CNTN6: variants seen among roughly 807,000 people sequenced by gnomAD.
The protein encoded by CNTN6 is contactin 6.
Under a neutral mutation model 122.8 loss-of-function variants are expected in CNTN6, and 137 were observed. The observed-to-expected ratio is 1.12, with a 90% CI of 0.97 to 1.29. The LOEUF (loss-of-function observed/expected upper bound fraction) is 1.29, where lower values mean the gene tolerates loss of function less well. Ranked by LOEUF, CNTN6 falls within the 50% of genes most tolerant of loss-of-function variation. CNTN6 has a pLI of 0.00. For synonymous variants in CNTN6, 570 were observed against 426.0 expected, an observed-to-expected ratio of 1.34 and a Z score of -4.16; for missense variants, 1,634 against 1,223.4, an observed-to-expected ratio of 1.34 and a Z score of -5.01.
At chr3:1,336,183 A>G (rs1438789550) in intron 11 of CNTN6, among the ~76,000 whole-genome samples, 1 of 145,992 alleles carries the variant, frequency 6.8e-6, no homozygotes, top group Non-Finnish European at 1.6e-5. Flanking sequence ...AAATAAAATA[A>G]AATAAAATAC....
intron 7 of CNTN6, among the ~76,000 whole-genome samples, chr3:1,312,124 C>T (rs1429116435): frequency 6.6e-6 from 1 of 151,914 alleles, no homozygotes; most frequent in African/African-American, 2.4e-5. Context: ...TATAGAGGGG[C>T]CACTGTCAAA....
At chr3:1,341,372 C>A (rs972228378) in intron 11 of CNTN6, among the ~76,000 whole-genome samples, 11 of 152,114 alleles carry the variant, frequency 7.2e-5, no homozygotes, top group Admixed American at 2.0e-4. Flanking sequence ...CGAATGGAGA[C>A]ACTTTATCTT....
chr3:1,356,346 A>G (rs1409375284), intron 12 of CNTN6, among the ~76,000 whole-genome samples: 3 of 151,814 alleles, frequency 2.0e-5, no homozygotes, highest in African/African-American at 4.8e-5. Flanking sequence ...TTGGAAAAGC[A>G]TATCTAATGT....
At chr3:1,384,774 T>TATATATATATATATATATATATACAC (rs1692570371) in intron 19 of CNTN6, among the ~76,000 whole-genome samples, 1 of 106,442 alleles carries the variant, frequency 9.4e-6, no homozygotes, top group African/African-American at 3.4e-5. Flanking sequence ...TATATACACA[T>TATATATATATATATATATATATACAC]ATATATATAT....
At chr3:1,382,480 TAAAG>T (rs1692049667) in intron 17 of CNTN6, among the ~76,000 whole-genome samples, 1 of 152,216 alleles carries the variant, frequency 6.6e-6, no homozygotes, top group Non-Finnish European at 1.5e-5. Flanking sequence ...TTCTGTGTCT[TAAAG>T]CATATGTTAT....
At chr3:1,211,076 A>G (rs1293106391) in intron 2 of CNTN6, among the ~76,000 whole-genome samples, 1 of 152,162 alleles carries the variant, frequency 6.6e-6, no homozygotes, top group African/African-American at 2.4e-5. Context: ...CCCAACTCAC[A>G]CTAATGGAAA....
intron 15 of CNTN6, 72 bp downstream of exon 15, chr3:1,373,834 A>G: frequency 2.7e-6 from 4 of 1,468,394 alleles, no homozygotes; most frequent in Non-Finnish European, 3.6e-6. Flanking sequence ...AAATGCAATT[A>G]CATTTTAAAT....
chr3:1,200,253 C>T (rs898276251), intron 2 of CNTN6, among the ~76,000 whole-genome samples: 2 of 152,118 alleles, frequency 1.3e-5, no homozygotes, highest in Non-Finnish European at 2.9e-5. Context: ...AGACTGGTCT[C>T]GAACTCCTTG....
At chr3:1,370,719 G>A (rs906392232) in intron 12 of CNTN6, among the ~76,000 whole-genome samples, 4 of 151,992 alleles carry the variant, frequency 2.6e-5, no homozygotes, top group African/African-American at 7.2e-5. Context: ...ATGGTGGTGC[G>A]TGCCTGTAAT....
intron 2 of CNTN6, among the ~76,000 whole-genome samples, chr3:1,159,787 AT>A (rs1346155050): frequency 6.6e-6 from 1 of 151,780 alleles, no homozygotes; most frequent in Non-Finnish European, 1.5e-5. Flanking sequence ...TTTAGAGTTA[AT>A]TTATCTGTGT....
At chr3:1,332,459 A>C (rs1341028000) in intron 11 of CNTN6, among the ~76,000 whole-genome samples, 2 of 150,800 alleles carry the variant, frequency 1.3e-5, no homozygotes, top group Non-Finnish European at 3.0e-5. Flanking sequence ...AAAAAATTAG[A>C]GTAGTGATAA....
chr3:1,156,538 G>A (rs2092965901), intron 2 of CNTN6, among the ~76,000 whole-genome samples: 1 of 152,150 alleles, frequency 6.6e-6, no homozygotes, highest in Non-Finnish European at 1.5e-5. Flanking sequence ...TATGAATAGT[G>A]TTTCATCTGA....
intron 1 of CNTN6, among the ~76,000 whole-genome samples, chr3:1,138,485 T>C (rs1375310589): frequency 6.6e-6 from 1 of 152,168 alleles, no homozygotes; most frequent in Non-Finnish European, 1.5e-5. Context: ...ATACCATCTT[T>C]ATTTATTTAC....
chr3:1,334,455 T>G (rs1057379279), intron 11 of CNTN6, among the ~76,000 whole-genome samples: 7 of 152,014 alleles, frequency 4.6e-5, no homozygotes, highest in African/African-American at 1.7e-4. Context: ...TTAGGAAATA[T>G]TAAACACTAT....
At chr3:1,200,714 T>C (rs533672952) in intron 2 of CNTN6, among the ~76,000 whole-genome samples, 1 of 152,144 alleles carries the variant, frequency 6.6e-6, no homozygotes, top group Non-Finnish European at 1.5e-5. Context: ...AATTTATGTC[T>C]CCCAAAGCCC....
At chr3:1,197,499 C>G (rs1035391665) in intron 2 of CNTN6, among the ~76,000 whole-genome samples, 1 of 152,178 alleles carries the variant, frequency 6.6e-6, no homozygotes, top group Non-Finnish European at 1.5e-5. Context: ...CAATTACACA[C>G]ATTTAGTGAA....
At chr3:1,339,972 A>G (rs1303469611) in intron 11 of CNTN6, among the ~76,000 whole-genome samples, 1 of 152,172 alleles carries the variant, frequency 6.6e-6, no homozygotes, top group Non-Finnish European at 1.5e-5. Context: ...TGATATATCC[A>G]TTTATATGCT....
chr3:1,376,275 C>T (rs1183015358), intron 16 of CNTN6, among the ~76,000 whole-genome samples: 1 of 152,038 alleles, frequency 6.6e-6, no homozygotes, highest in Non-Finnish European at 1.5e-5. Context: ...TTTCTATGAT[C>T]TATTATTCAT....
chr3:1,106,228 C>T (rs1238516507), intron 1 of CNTN6, among the ~76,000 whole-genome samples: 2 of 152,074 alleles, frequency 1.3e-5, no homozygotes, highest in Admixed American at 1.3e-4. Flanking sequence ...AAAGTATACA[C>T]AAGGTGTGTG....
Sources: gnomAD v4.1 joint callset for allele counts (sites outside exome capture counted in the v4.1 genomes callset) on GRCh38, gnomAD v4.1.1 for gene constraint, MANE v1.5 for transcripts, NCBI Gene and HGNC (gene_info 2026-07-23, HGNC 2026-07-21) for gene names.